Variants in GALNT15 observed in about 807,000 individuals in gnomAD.
GALNT15 encodes UDP-GalNAc transferase T15.
A neutral mutation model predicts 66.8 loss-of-function variants in GALNT15; 67 were observed. That is an observed-to-expected ratio of 1.00 (90% CI 0.82 to 1.23). The LOEUF is 1.23. GALNT15 is among the 50% of genes most tolerant of loss of function. The pLI is 0.00. For synonymous variants in GALNT15, 313 were observed against 311.5 expected (o/e 1.00, Z -0.05); for missense variants, 827 against 804.3 (o/e 1.03, Z -0.34).
At chr3:16,218,810 CTTT>C (rs10538222) in intron 6 of GALNT15, among the ~76,000 whole-genome samples, 9 of 92,926 alleles carry the variant, frequency 9.7e-5, no homozygotes, top group Middle Eastern at 7.8e-3. Context: ...CTCTCTCTCT[CTTT>C]TTTTTTTTTT....
the GALNT15 span, among the ~76,000 whole-genome samples, chr3:16,247,912 C>A: frequency 6.6e-6 from 1 of 152,176 alleles, no homozygotes; most frequent in Non-Finnish European, 1.5e-5. Flanking sequence ...GTCCCAGGAA[C>A]GAAGTGGCAT....
At chr3:16,223,351 T>C (rs1338250782) in intron 9 of GALNT15, among the ~76,000 whole-genome samples, 1 of 152,176 alleles carries the variant, frequency 6.6e-6, no homozygotes, top group Non-Finnish European at 1.5e-5. Context: ...AGGTCCTATA[T>C]ACAGAATCGG....
At chr3:16,232,796 C>T (rs1198519485), downstream of GALNT15, among the ~76,000 whole-genome samples, 2 of 151,654 alleles carry the variant, frequency 1.3e-5, no homozygotes, top group African/African-American at 2.4e-5. Context: ...TCAAATTTTC[C>T]TGTGCTCACA....
Position 16,187,141 on chromosome 3 carries a change from G to A in GALNT15, c.540-8619G>A, listed in dbSNP as rs973091833. 1.3e-5 allele frequency among the ~76,000 whole-genome samples: 2 copies of A among 152,064 alleles called. No homozygotes were observed. Among genetic ancestry groups the A allele is most frequent in the African/African-American group, 4.8e-5 (2 of 41,406 alleles). ...TAGCGAGGCATGGTGGTGCATGCCT[G>A]TAATCCCAGCTACTCAGGAGGCTGA... is the stretch of plus-strand genomic sequence containing the variant. On this transcript the variant is annotated intron_variant, in intron 1 of 9. Transcript: ENST00000339732. This position sits in a 1 kb window ranked among gnomAD's most constrained non-coding sequence, Gnocchi z 5.1.
In GALNT15 at chr3:16,211,296, G is replaced by C. The variant is rs1574989101; in HGVS notation, c.1197+55G>C. 1 of 1,116,420 alleles carries C rather than the reference G, an allele frequency of 9.0e-7. No individual in the cohort carries two copies. The highest frequency in any genetic ancestry group is 1.4e-6 in the Non-Finnish European group (1 of 728,622). 69.2% of individuals were successfully genotyped at this position (1,116,420 alleles called of 1,614,324 possible). A position where few individuals can be genotyped will look rare whatever the true frequency, so the allele number is the denominator to read the frequency against. On this transcript the variant is annotated intron_variant, in intron 5 of 9. Transcript: ENST00000339732. The surrounding 1 kb of genome is among the most constrained non-coding windows in gnomAD (Gnocchi z 4.3). ...TGGGATCTCTGGAGTGGTGTGTATGGTCACAGCTCAGAGGCAGGCATTAGA... is the reference window on the plus strand; with the variant it reads ...TGGGATCTCTGGAGTGGTGTGTATGCTCACAGCTCAGAGGCAGGCATTAGA...
the GALNT15 span, among the ~76,000 whole-genome samples, chr3:16,238,417 G>T: frequency 5.9e-5 from 9 of 151,948 alleles, no homozygotes; most frequent in Admixed American, 3.9e-4. The surrounding 1 kb of genome is among the most constrained non-coding windows in gnomAD (Gnocchi z 4.8). Context: ...TTAGTACTAT[G>T]TACTATTACT....
chr3:16,238,186 G>GA, the GALNT15 span, among the ~76,000 whole-genome samples: 1 of 152,252 alleles, frequency 6.6e-6, no homozygotes, highest in African/African-American at 2.4e-5. This position sits in a 1 kb window ranked among gnomAD's most constrained non-coding sequence, Gnocchi z 4.8. Context: ...GTATGGAGGA[G>GA]AAAAAACCAG....
At chr3:16,218,237 A>G (rs1388202536) in intron 6 of GALNT15, among the ~76,000 whole-genome samples, 1 of 152,112 alleles carries the variant, frequency 6.6e-6, no homozygotes. Flanking sequence ...GCAGAACCAA[A>G]CCAATCATAC....
At chr3:16,192,824 G>T (rs1394415984) in intron 1 of GALNT15, among the ~76,000 whole-genome samples, 2 of 152,182 alleles carry the variant, frequency 1.3e-5, no homozygotes, top group South Asian at 4.1e-4. Context: ...TTCATATAAA[G>T]TTCATTATTT....
At chr3:16,218,807 TCTC>T (rs1342189622) in intron 6 of GALNT15, among the ~76,000 whole-genome samples, 5 of 129,082 alleles carry the variant, frequency 3.9e-5, no homozygotes, top group South Asian at 2.7e-4. Flanking sequence ...TCTCTCTCTC[TCTC>T]TTTTTTTTTT....
intron 6 of GALNT15, 117 bp downstream of exon 6, chr3:16,212,880 C>T: frequency 2.3e-6 from 2 of 870,802 alleles, no homozygotes; most frequent in Non-Finnish European, 1.7e-6. Flanking sequence ...CTGGCTTGAG[C>T]TTCCCTCATG....
rs967432103 is a variant in GALNT15, at chr3:16,175,016, G to A, written c.-136G>A. On this transcript the variant is annotated 5_prime_UTR_variant, in exon 1 of 10. Coordinates refer to ENST00000339732, the MANE Select transcript of GALNT15 (RefSeq NM_054110.5). This position sits in a 1 kb window ranked among gnomAD's most constrained non-coding sequence, Gnocchi z 5.6. Reference sequence around the variant, plus strand: ...TTGCACACGCTGTTGGCAAATGTCAGGACCAGGTTAAGTGACTGGCAGAAA... The same window carrying A: ...TTGCACACGCTGTTGGCAAATGTCAAGACCAGGTTAAGTGACTGGCAGAAA... The A allele has an allele frequency of 8.1e-6, 6 of 737,142 alleles. No homozygotes were observed. The highest frequency in any genetic ancestry group is 1.3e-5 in the Non-Finnish European group (6 of 454,204). 45.7% of individuals were successfully genotyped at this position (737,142 alleles called of 1,614,324 possible).
chr3:16,228,366 C>G lies in GALNT15; in HGVS notation c.*866C>G, dbSNP rs956488059. 1 of 984,338 alleles carries G rather than the reference C, an allele frequency of 1.0e-6. No individual in the cohort carries two copies. The highest frequency in any genetic ancestry group is 6.2e-5 in the Admixed American group (1 of 16,254). 61.0% of individuals were successfully genotyped at this position (984,338 alleles called of 1,614,324 possible). ...ACAGTTGAGAAACTCTCCTGCCGGG[C>G]GCGGTGGCTCATGCCTGTAATTCCA... On this transcript the variant is annotated 3_prime_UTR_variant, in exon 10 of 10. Coordinates refer to ENST00000339732, the MANE Select transcript of GALNT15 (RefSeq NM_054110.5).
Position 16,175,768 on chromosome 3 carries a change from C to T in GALNT15, c.539+78C>T. On this transcript the variant is annotated intron_variant, in intron 1 of 9. Transcript: ENST00000339732. The surrounding 1 kb of genome is among the most constrained non-coding windows in gnomAD (Gnocchi z 5.6). ...TAGCAAACTCGGGAATGCAAACTTT[C>T]CGTAGCCTGCCTCTCCTGACTTAGA... 1.6e-6 allele frequency: 2 copies of T among 1,279,456 alleles called. No individual in the cohort carries two copies. The highest frequency in any genetic ancestry group is 2.1e-6 in the Non-Finnish European group (2 of 942,410). The allele number at this position is 1,279,456 out of a possible 1,614,324, so 79.3% of individuals were successfully genotyped here. A position where few individuals can be genotyped will look rare whatever the true frequency, so the allele number is the denominator to read the frequency against.
At chr3:16,190,252 A>G (rs949171928) in intron 1 of GALNT15, among the ~76,000 whole-genome samples, 4 of 152,156 alleles carry the variant, frequency 2.6e-5, no homozygotes, top group Non-Finnish European at 5.9e-5. Context: ...AAGCCTGTAC[A>G]TGTAGTTGGT....
rs1394902237 is a variant in GALNT15, at chr3:16,225,834, C to T, written c.1774-1520C>T. Among the ~76,000 whole-genome samples the T allele has an allele frequency of 3.3e-5, 5 of 150,726 alleles. No homozygotes were observed. The highest frequency in any genetic ancestry group is 1.2e-4 in the African/African-American group (5 of 40,994). On this transcript the variant is annotated intron_variant, in intron 9 of 9. Coordinates refer to ENST00000339732, the MANE Select transcript of GALNT15 (RefSeq NM_054110.5). This position sits in a 1 kb window ranked among gnomAD's most constrained non-coding sequence, Gnocchi z 4.4. Reference sequence around the variant, plus strand: ...GGTGGATCACTTGAGGTCAGGAGTTCGAGACCAGCCTGGCCAATATGGGTT... The same window carrying T: ...GGTGGATCACTTGAGGTCAGGAGTTTGAGACCAGCCTGGCCAATATGGGTT...
intron 2 of GALNT15, among the ~76,000 whole-genome samples, chr3:16,198,691 G>A (rs2063665880): frequency 1.4e-5 from 2 of 142,858 alleles, no homozygotes; most frequent in African/African-American, 2.6e-5. Context: ...ACACATCAAC[G>A]AAGCATTTTA....
rs767090741 is a variant in GALNT15, at chr3:16,204,976, C to T, written c.912-3527C>T. 1.3e-5 allele frequency among the ~76,000 whole-genome samples: 2 copies of T among 152,158 alleles called. No individual in the cohort carries two copies. Among genetic ancestry groups the T allele is most frequent in the African/African-American group, 4.8e-5 (2 of 41,432 alleles). ...GCGTGTGTGTGTGCGCGCGCATGTG[C>T]GCGTCAAGGAGCAGCAGGAGGTCAG... is the stretch of plus-strand genomic sequence containing the variant. On this transcript the variant is annotated intron_variant, in intron 3 of 9. Coordinates refer to ENST00000339732, the MANE Select transcript of GALNT15 (RefSeq NM_054110.5). This position sits in a 1 kb window ranked among gnomAD's most constrained non-coding sequence, Gnocchi z 4.5.
At chr3:16,234,074 G>A (rs188983107), downstream of GALNT15, among the ~76,000 whole-genome samples, 19 of 152,298 alleles carry the variant, frequency 1.2e-4, no homozygotes, top group East Asian at 3.5e-3. Flanking sequence ...AGCTAAACAT[G>A]AAATTAGGTG....
Sources: allele counts gnomAD v4.1 joint callset (sites outside exome capture counted in the v4.1 genomes callset), GRCh38; gene constraint gnomAD v4.1.1; non-coding constraint Gnocchi (gnomAD v3.1); transcripts MANE v1.5; gene names NCBI Gene and HGNC (gene_info 2026-07-23, HGNC 2026-07-21).